KAT14: variants seen among roughly 807,000 people sequenced by gnomAD.
KAT14 encodes cysteine-rich protein 2-binding protein.
A neutral mutation model predicts 78.4 loss-of-function variants in KAT14; 66 were observed. The observed-to-expected ratio is 0.84, with a 90% CI of 0.69 to 1.03. The LOEUF is 1.03. KAT14 is among the 50% of genes least tolerant of loss of function. The probability of loss-of-function intolerance (pLI) is 0.00; values close to 1 mark genes in which losing one functional copy is unlikely to be tolerated. For synonymous variants in KAT14, 344 were observed against 359.4 expected (o/e 0.96, Z 0.48); for missense variants, 870 against 972.5 (o/e 0.89, Z 1.40).
chr20:18,162,492 C>A lies in KAT14; in HGVS notation c.1215C>A (p.Gly405=). 8 of 1,614,032 alleles carry A rather than the reference C, an allele frequency of 5.0e-6. No homozygotes were observed. Among genetic ancestry groups the A allele is most frequent in the Non-Finnish European group, 6.8e-6 (8 of 1,180,012 alleles). The part of the protein sequence containing the change: ...PVVGVRKKVR[G]PEQIKQEVES... ...TTGGGGTCAGAAAGAAGGTCAGAGG[C>A]CCTGAACAGATAAAGCAGGAGGTAG... The change falls in exon 7 of 11, where the codon GGC becomes GGA. Residue 405 remains glycine (G), a synonymous_variant. Transcript: ENST00000688188.
intron 4 of KAT14, among the ~76,000 whole-genome samples, chr20:18,157,098 T>A (rs1356377738): frequency 6.6e-6 from 1 of 152,192 alleles, no homozygotes; most frequent in Non-Finnish European, 1.5e-5. Context: ...GAAAGTAACC[T>A]CCAGAAAGTA....
chr20:18,186,750 G>A (rs1421484937), intron 10 of KAT14, among the ~76,000 whole-genome samples: 4 of 152,190 alleles, frequency 2.6e-5, no homozygotes, highest in African/African-American at 9.6e-5. Context: ...CAGTTTTAGA[G>A]AGACAGAAGG....
rs536929757 is a variant in KAT14 at position 18,156,229 on chromosome 20, T to C, written c.501-2855T>C. Among the ~76,000 whole-genome samples the C allele has an allele frequency of 1.5e-4, 23 of 152,262 alleles. No homozygotes were observed. The South Asian group carries it at 4.4e-3, about 29-fold the overall frequency. On this transcript the variant is annotated intron_variant, in intron 4 of 10. Coordinates refer to ENST00000688188, the MANE Select transcript of KAT14 (RefSeq NM_001392073.1). ...AACGTAGAATGGTGGTTGTCAGCACTTGGCGGGGAGGGTGGAATTGGGAGT... is the reference window on the plus strand; with the variant it reads ...AACGTAGAATGGTGGTTGTCAGCACCTGGCGGGGAGGGTGGAATTGGGAGT...
chr20:18,153,085 T>G (rs1262207820), intron 4 of KAT14, among the ~76,000 whole-genome samples: 2 of 152,206 alleles, frequency 1.3e-5, no homozygotes, highest in Non-Finnish European at 2.9e-5. Context: ...ATGAGGTTAG[T>G]TTAGACATGA....
At chr20:18,185,112 C>A (rs371615624) in intron 10 of KAT14, among the ~76,000 whole-genome samples, 1 of 152,176 alleles carries the variant, frequency 6.6e-6, no homozygotes, top group Admixed American at 6.5e-5. Flanking sequence ...GTAGCTACTG[C>A]TCTTAGGATC....
In KAT14 at chr20:18,137,930, G is replaced by C. The variant is rs1187697069; in HGVS notation, c.-575G>C. The stretch of plus-strand genomic sequence containing the variant: ...CTCTGCGCCTCGGGCGGGCGGGAGA[G>C]AGAGGCCGCGGCCGCCAGCGTGGGG... On this transcript the variant is annotated 5_prime_UTR_variant, in exon 1 of 11. Transcript: ENST00000688188. The C allele has an allele frequency of 1.4e-6, 2 of 1,477,156 alleles. No individual in the cohort carries two copies. The highest frequency in any genetic ancestry group is 4.8e-5 in the Admixed American group (2 of 41,856). 91.5% of individuals were successfully genotyped at this position (1,477,156 alleles called of 1,614,324 possible). A position where few individuals can be genotyped will look rare whatever the true frequency, so the allele number is the denominator to read the frequency against.
rs2038437751 is a variant in KAT14, at chr20:18,161,882, C to G, written c.742C>G (p.Arg248Gly). Residue 248 changes from arginine (R) to glycine (G), a missense_variant, in exon 6 of 11, where the codon CGG becomes GGG. By Grantham distance (125) the Arg-to-Gly change is moderately radical. Transcript: ENST00000688188. ...TGAGGGACTTAGAAAACGAGCAAGT[C>G]GGAATCCTGTGGAATCTGCCATGGA... is the stretch of plus-strand genomic sequence containing the variant. ...TVEGLRKRAS[R>G]NPVESAMELK... 1 of 1,614,160 alleles carries G rather than the reference C, an allele frequency of 6.2e-7. No homozygotes were observed. Among genetic ancestry groups the G allele is most frequent in the African/African-American group, 1.3e-5 (1 of 75,032 alleles).
chr20:18,153,060 C>G (rs1465639979), intron 4 of KAT14, among the ~76,000 whole-genome samples: 2 of 152,188 alleles, frequency 1.3e-5, no homozygotes, highest in African/African-American at 2.4e-5. Flanking sequence ...GTGTGAGATT[C>G]ATGAATCTTA....
chr20:18,169,577 A>C (rs1227908418), intron 7 of KAT14, among the ~76,000 whole-genome samples: 1 of 152,218 alleles, frequency 6.6e-6, no homozygotes, highest in East Asian at 1.9e-4. Context: ...TGACTGTTGC[A>C]CTAACCAGCT....
upstream of KAT14, among the ~76,000 whole-genome samples, chr20:18,137,267 C>A (rs890066810): frequency 3.1e-4 from 47 of 151,160 alleles, no homozygotes; most frequent in Admixed American, 3.1e-3. Flanking sequence ...CCAGCCTGGG[C>A]GATAGACAGA....
At chr20:18,172,612 G>C (rs74929483) in intron 7 of KAT14, among the ~76,000 whole-genome samples, 2,143 of 152,206 alleles carry the variant, frequency 0.014, 54 homozygotes, top group African/African-American at 0.049. Flanking sequence ...AACTTGTGCA[G>C]CTTGCTTTAT....
At chr20:18,151,034 G>A in intron 4 of KAT14, 92 bp downstream of exon 4, 1 of 1,501,598 alleles carries the variant, frequency 6.7e-7, no homozygotes, top group African/African-American at 1.4e-5. Context: ...ACTTGTTAGA[G>A]ATTTATTTTA....
intron 4 of KAT14, among the ~76,000 whole-genome samples, chr20:18,151,961 C>A (rs924668781): frequency 6.7e-6 from 1 of 149,706 alleles, no homozygotes; most frequent in Non-Finnish European, 1.5e-5. Flanking sequence ...CAAGATTGCG[C>A]CATTGCACTC....
At chr20:18,156,779 G>A (rs1256807750) in intron 4 of KAT14, among the ~76,000 whole-genome samples, 7 of 152,108 alleles carry the variant, frequency 4.6e-5, no homozygotes, top group Admixed American at 4.6e-4. Flanking sequence ...GTCTGTCTCT[G>A]TGTCCAAGTT....
In KAT14 at chr20:18,164,410, A is replaced by T. The variant is rs146740152; in HGVS notation, c.1668+1465A>T. On this transcript the variant is annotated intron_variant, in intron 7 of 10. Transcript: ENST00000688188. Reference sequence around the variant, plus strand: ...TATAGGGGTATAATTGGAGCCTTTAACCTCTTAAAGAGCCTCACAATCCAT... The same window carrying T: ...TATAGGGGTATAATTGGAGCCTTTATCCTCTTAAAGAGCCTCACAATCCAT... 3.7e-3 allele frequency among the ~76,000 whole-genome samples: 566 copies of T among 152,008 alleles called. 1 individual carries two copies. Among genetic ancestry groups the T allele is most frequent in the Admixed American group, 6.0e-3 (91 of 15,272 alleles).
intron 1 of KAT14, among the ~76,000 whole-genome samples, chr20:18,141,040 TTTTTTTA>T (rs541804483): frequency 0.32 from 17,277 of 54,528 alleles, 1,225 homozygotes; most frequent in South Asian, 0.4. Context: ...TTTTTTTTTT[TTTTTTTA>T]TTTTTATTTT....
chr20:18,160,193 T>A (rs1356876667), intron 5 of KAT14, among the ~76,000 whole-genome samples: 3 of 152,096 alleles, frequency 2.0e-5, no homozygotes, highest in Non-Finnish European at 4.4e-5. Context: ...AGCCACCGGA[T>A]CAGGCTGATG....
intron 2 of KAT14, 58 bp from the exon 3 acceptor site, chr20:18,145,175 C>G: frequency 6.3e-7 from 1 of 1,580,916 alleles, no homozygotes; most frequent in Non-Finnish European, 8.6e-7. Context: ...CGGATTAAAC[C>G]TTTAGGTTAC....
chr20:18,150,271 C>T (rs373806613), intron 3 of KAT14, among the ~76,000 whole-genome samples: 5 of 151,954 alleles, frequency 3.3e-5, no homozygotes, highest in Admixed American at 6.6e-5. Flanking sequence ...GCTAAGTCAC[C>T]GAGTAGATAG....
Sources: allele counts gnomAD v4.1 joint callset (sites outside exome capture counted in the v4.1 genomes callset), GRCh38; gene constraint gnomAD v4.1.1; transcripts MANE v1.5; gene names NCBI Gene and HGNC (gene_info 2026-07-23, HGNC 2026-07-21).